The following RAI14 variants were observed in gnomAD, a reference collection of about 807,000 sequenced individuals.
RAI14 encodes the protein retinoic acid induced 14.
RAI14 carries 45 observed loss-of-function variants against 115.4 expected under a neutral mutation model. The observed-to-expected ratio is 0.39, with a 90% confidence interval of 0.31 to 0.50. The LOEUF (loss-of-function observed/expected upper bound fraction) is 0.50, where lower values mean the gene tolerates loss of function less well. Among genes scored for constraint, RAI14 ranks in the 20% least tolerant of loss-of-function variants. RAI14 has a pLI of 0.85. For synonymous variants in RAI14, 371 were observed against 415.4 expected (o/e 0.89, Z 1.30); for missense variants, 939 against 1,131.2 (o/e 0.83, Z 2.44).
intron 4 of RAI14, among the ~76,000 whole-genome samples, chr5:34,799,667 A>G (rs1267225341): frequency 6.7e-6 from 1 of 149,964 alleles, no homozygotes; most frequent in Non-Finnish European, 1.5e-5. Flanking sequence ...TAAGTTATAG[A>G]AGCAAGAATC....
intron 9 of RAI14, 69 bp downstream of exon 9, chr5:34,812,014 A>T: frequency 7.3e-7 from 1 of 1,372,760 alleles, no homozygotes; most frequent in South Asian, 1.3e-5. Flanking sequence ...GGATAAAGGA[A>T]TGTGTGCAAT....
At chr5:34,689,402 C>T (rs913843299) in intron 2 of RAI14, among the ~76,000 whole-genome samples, 3 of 151,928 alleles carry the variant, frequency 2.0e-5, no homozygotes, top group African/African-American at 7.2e-5. Context: ...AAGGCCCTGT[C>T]TCAAAAAACA....
At chr5:34,662,197 G>A (rs192214185) in intron 1 of RAI14, among the ~76,000 whole-genome samples, 79 of 152,208 alleles carry the variant, frequency 5.2e-4, no homozygotes, top group African/African-American at 1.9e-3. Context: ...TTTTGGAGGG[G>A]GAGGAGGGAT....
chr5:34,726,668 G>A (rs1254222464), intron 2 of RAI14, among the ~76,000 whole-genome samples: 2 of 152,138 alleles, frequency 1.3e-5, no homozygotes, highest in Admixed American at 6.5e-5. Flanking sequence ...AATCATAAGG[G>A]CAGATTTTTC....
intron 3 of RAI14, among the ~76,000 whole-genome samples, chr5:34,779,834 A>G (rs151157218): frequency 0.027 from 4,113 of 152,264 alleles, 196 homozygotes; most frequent in African/African-American, 0.093. Context: ...CCATCAAGCT[A>G]CCAATGACTT....
chr5:34,745,625 C>T (rs1339097178), intron 2 of RAI14, among the ~76,000 whole-genome samples: 2 of 152,194 alleles, frequency 1.3e-5, no homozygotes, highest in East Asian at 3.9e-4. Flanking sequence ...TTTTCAGTCT[C>T]CCATGATAGA....
At chr5:34,811,425 T>C (rs1755567132) in intron 8 of RAI14, among the ~76,000 whole-genome samples, 1 of 152,144 alleles carries the variant, frequency 6.6e-6, no homozygotes, top group African/African-American at 2.4e-5. Flanking sequence ...TTTGGAGAAA[T>C]GGTCTTAGAA....
chr5:34,682,182 G>C (rs1744436602), intron 1 of RAI14, among the ~76,000 whole-genome samples: 1 of 151,988 alleles, frequency 6.6e-6, no homozygotes, highest in Admixed American at 6.6e-5. Flanking sequence ...ATCCTAAAGA[G>C]TGGAGAATGT....
In RAI14 at chr5:34,749,835, C is replaced by T. The variant is rs141744745; in HGVS notation, c.37-7633C>T. 1.4e-3 allele frequency among the ~76,000 whole-genome samples: 212 copies of T among 152,236 alleles called. 1 individual carries two copies. Among genetic ancestry groups the T allele is most frequent in the African/African-American group, 4.3e-3 (178 of 41,552 alleles). ...ATGGCTTAATGTTCTCTGTTGAAAT[C>T]GTGTCTGTTTAAACAGTCTCTTGGA... On this transcript the variant is annotated intron_variant, in intron 2 of 17. Transcript: ENST00000265109.
chr5:34,807,718 A>C, intron 5 of RAI14, 82 bp from the exon 6 acceptor site: 22 of 1,088,968 alleles, frequency 2.0e-5, no homozygotes, highest in Non-Finnish European at 3.0e-5. Flanking sequence ...AAGTCACATC[A>C]TACCTTGCAG....
intron 14 of RAI14, among the ~76,000 whole-genome samples, chr5:34,822,273 TA>T (rs1450654711): frequency 1.4e-5 from 2 of 146,266 alleles, no homozygotes; most frequent in African/African-American, 2.5e-5. Context: ...TATATATATA[TA>T]AAATATTATC....
intron 1 of RAI14, among the ~76,000 whole-genome samples, chr5:34,659,273 C>T (rs1292255938): frequency 6.6e-6 from 1 of 152,098 alleles, no homozygotes; most frequent in African/African-American, 2.4e-5. Context: ...TGGTTTTTCA[C>T]TGTTTTTTGT....
chr5:34,757,348 C>T (rs554317856), intron 2 of RAI14, 120 bp from the exon 3 acceptor site: 52 of 1,152,052 alleles, frequency 4.5e-5, no homozygotes, highest in Admixed American at 1.9e-4. Flanking sequence ...CACACTCATT[C>T]GGGAGCAGGC....
chr5:34,670,720 T>A (rs1475515137), intron 1 of RAI14, among the ~76,000 whole-genome samples: 1 of 152,256 alleles, frequency 6.6e-6, no homozygotes, highest in African/African-American at 2.4e-5. Context: ...TCTCCCTATT[T>A]ACCTTTCTAT....
intron 2 of RAI14, among the ~76,000 whole-genome samples, chr5:34,728,249 T>C (rs1414593146): frequency 6.6e-6 from 1 of 152,182 alleles, no homozygotes; most frequent in Non-Finnish European, 1.5e-5. Flanking sequence ...AAGGGACTTG[T>C]CTTGTCTCAG....
intron 1 of RAI14, among the ~76,000 whole-genome samples, chr5:34,680,307 G>C (rs948314642): frequency 2.6e-5 from 4 of 152,298 alleles, no homozygotes; most frequent in Non-Finnish European, 5.9e-5. Flanking sequence ...CATAGTTCTG[G>C]AGTTTGGGAA....
chr5:34,755,252 C>T (rs573517106), intron 2 of RAI14, among the ~76,000 whole-genome samples: 178 of 152,252 alleles, frequency 1.2e-3, no homozygotes, highest in African/African-American at 4.1e-3. Flanking sequence ...TTATGTTTCC[C>T]TTCAACAGGA....
chr5:34,758,154 C>G (rs1041865562), intron 3 of RAI14, among the ~76,000 whole-genome samples: 1 of 152,146 alleles, frequency 6.6e-6, no homozygotes, highest in African/African-American at 2.4e-5. Flanking sequence ...AGAGCACTGA[C>G]TTTGGAGCCA....
At chr5:34,792,216 T>C (rs987304285) in intron 3 of RAI14, among the ~76,000 whole-genome samples, 1 of 150,078 alleles carries the variant, frequency 6.7e-6, no homozygotes, top group Non-Finnish European at 1.5e-5. Context: ...TTCCCTTTCC[T>C]GCTTTTCTTT....
Sources: allele counts gnomAD v4.1 joint callset (sites outside exome capture counted in the v4.1 genomes callset), GRCh38; gene constraint gnomAD v4.1.1; transcripts MANE v1.5; gene names NCBI Gene and HGNC (gene_info 2026-07-23, HGNC 2026-07-21).